The following CALCOCO2 variants were observed in gnomAD, a reference collection of about 807,000 sequenced individuals.
The protein encoded by CALCOCO2 is calcium-binding and coiled-coil domain-containing protein 2.
A neutral mutation model predicts 62.5 loss-of-function variants in CALCOCO2; 42 were observed. The observed-to-expected ratio is 0.67, with a 90% CI of 0.53 to 0.87. The LOEUF is 0.87. Ranked by LOEUF, CALCOCO2 falls within the 40% of genes least tolerant of loss-of-function variation. The probability of loss-of-function intolerance (pLI) is 0.00; values close to 1 mark genes in which losing one functional copy is unlikely to be tolerated. For synonymous variants in CALCOCO2, 167 were observed against 173.0 expected (o/e 0.97, Z 0.27); for missense variants, 456 against 515.0 (o/e 0.89, Z 1.11).
rs139861365 is a variant in CALCOCO2 at position 48,844,135 on chromosome 17, G to A, written c.180+2248G>A. 6.3e-3 allele frequency: 961 copies of A among 152,168 alleles called. 14 individuals are homozygous for A. Among genetic ancestry groups the A allele is most frequent in the South Asian group, 9.1e-3 (44 of 4,816 alleles). The allele number at this position is 152,168 out of a possible 1,614,324, so 9.4% of individuals were successfully genotyped here. On this transcript the variant is annotated intron_variant, in intron 2 of 12. Coordinates refer to ENST00000258947, the MANE Select transcript of CALCOCO2 (RefSeq NM_005831.5). Reference sequence around the variant, plus strand: ...CCACCTCAGGTAATCCGCCTGCCTCGGCCTCCCAAAGTGCTGGGATTACAG... The same window carrying A: ...CCACCTCAGGTAATCCGCCTGCCTCAGCCTCCCAAAGTGCTGGGATTACAG...
intron 1 of CALCOCO2, among the ~76,000 whole-genome samples, chr17:48,839,061 G>A (rs1404266080): frequency 6.7e-6 from 1 of 148,484 alleles, no homozygotes; most frequent in Non-Finnish European, 1.5e-5. Flanking sequence ...GTGCAGTGGC[G>A]CAATCTGGCA....
chr17:48,842,479 A>C (rs571212852), intron 2 of CALCOCO2: 1 of 151,584 alleles, frequency 6.6e-6, no homozygotes, highest in African/African-American at 2.4e-5. Flanking sequence ...AAAACCAAAT[A>C]TAAATACTTG....
chr17:48,841,018 A>G (rs1481192978), intron 1 of CALCOCO2, among the ~76,000 whole-genome samples: 1 of 152,230 alleles, frequency 6.6e-6, no homozygotes, highest in Non-Finnish European at 1.5e-5. Context: ...TATGCCTCAC[A>G]AAAAACTAAA....
Position 48,856,094 on chromosome 17 carries a change from T to A in CALCOCO2, c.915T>A (p.Asp305Glu), listed in dbSNP as rs2040211391. The change falls in exon 10 of 13, where the codon GAT (aspartate) becomes GAA (glutamate). Residue 305 changes from aspartate (D) to glutamate (E), a missense_variant and splice_region_variant. Around this residue, in one of 3 missense-constraint regions of CALCOCO2, gnomAD observed 172 missense variants for 210.3 expected, o/e 0.82. Transcript: ENST00000258947. ...TAMKKQQELM[D>E]ENFDLSKRLS... The stretch of plus-strand genomic sequence containing the variant: ...CTAATTTTTTTTATTGTTGACAGGA[T>A]GAAAACTTTGACCTGTCAAAAAGAC... 6.5e-7 allele frequency: 1 copy of A among 1,548,960 alleles called. No individual in the cohort carries two copies. The highest frequency in any genetic ancestry group is 1.7e-5 in the Admixed American group (1 of 58,404).
chr17:48,857,094 G>A (rs1161844514), intron 10 of CALCOCO2, among the ~76,000 whole-genome samples: 26 of 148,890 alleles, frequency 1.7e-4, no homozygotes, highest in Non-Finnish European at 7.5e-5. Flanking sequence ...GACCCACCAC[G>A]CCCGGCCCAT....
Position 48,851,111 on chromosome 17 carries a change from G to A in CALCOCO2, c.566G>A (p.Ser189Asn), listed in dbSNP as rs145988864. 137 of 1,607,044 alleles carry A rather than the reference G, an allele frequency of 8.5e-5. No homozygotes were observed. The highest frequency in any genetic ancestry group is 1.0e-4 in the Admixed American group (6 of 59,970). The change falls in exon 6 of 13, where the codon AGC (serine) becomes AAC (asparagine). Residue 189 changes from serine to asparagine, a missense_variant. This residue lies in a region of CALCOCO2 where 236 missense variants were observed against 225.3 expected (regional missense o/e 1.05). Transcript: ENST00000258947. Reference protein sequence around the residue: ...KKQEELETLQSINKKLELKVK... With the variant: ...KKQEELETLQNINKKLELKVK... ...TAGGAGGAGCTAGAAACCCTACAGA[G>A]CATCAATAAGAAGTTGGAACTGAAA...
chr17:48,859,375 G>T (rs2040293024), intron 10 of CALCOCO2, among the ~76,000 whole-genome samples: 1 of 152,124 alleles, frequency 6.6e-6, no homozygotes, highest in Non-Finnish European at 1.5e-5. Flanking sequence ...AAGGCAGGAA[G>T]GTCACTTGAA....
intron 2 of CALCOCO2, chr17:48,842,393 G>A (rs1001250943): frequency 1.3e-5 from 2 of 152,362 alleles, no homozygotes; most frequent in African/African-American, 4.8e-5. Flanking sequence ...GATCTCAGGT[G>A]ATCTGCCTGC....
At chr17:48,840,882 G>A (rs1230609364) in intron 1 of CALCOCO2, among the ~76,000 whole-genome samples, 1 of 152,048 alleles carries the variant, frequency 6.6e-6, no homozygotes, top group Non-Finnish European at 1.5e-5. Context: ...TATAACTAAC[G>A]TCTCTTAAAC....
chr17:48,859,464 C>CT (rs2040294612), intron 10 of CALCOCO2, among the ~76,000 whole-genome samples: 1 of 151,728 alleles, frequency 6.6e-6, no homozygotes, highest in African/African-American at 2.4e-5. Flanking sequence ...CAGCCAGGCA[C>CT]GGTGTCGTGT....
At chr17:48,857,252 C>T (rs1217397934) in intron 10 of CALCOCO2, among the ~76,000 whole-genome samples, 1 of 146,966 alleles carries the variant, frequency 6.8e-6, no homozygotes, top group Non-Finnish European at 1.5e-5. Context: ...GGCTGGAGTG[C>T]GATGGCACGA....
chr17:48,851,258 G>A, intron 6 of CALCOCO2, 81 bp downstream of exon 6: 2 of 812,566 alleles, frequency 2.5e-6, no homozygotes, highest in Non-Finnish European at 2.1e-6. Flanking sequence ...TAGATTTCTG[G>A]AATTTGTGAG....
In CALCOCO2 at chr17:48,852,953, A is replaced by T; in HGVS notation, c.853A>T (p.Thr285Ser). ...QRKDQKKLEQTVEQMKQNETT... is the reference protein window; with the variant it reads ...QRKDQKKLEQSVEQMKQNETT... ...GAAGGACCAGAAGAAGCTCGAGCAG[A>T]CAGTGGAGCAAATGAAGCAGAATGA... Residue 285 changes from threonine to serine, a missense_variant, in exon 9 of 13, where the codon ACA becomes TCA. By Grantham distance (58) the Thr-to-Ser change is moderately conservative. This residue lies in a region of CALCOCO2 where 172 missense variants were observed against 210.3 expected (regional missense o/e 0.82). Coordinates refer to ENST00000258947, the MANE Select transcript of CALCOCO2 (RefSeq NM_005831.5). 4 of 1,613,838 alleles carry T rather than the reference A, an allele frequency of 2.5e-6. No homozygotes were observed. Among genetic ancestry groups the T allele is most frequent in the Non-Finnish European group, 3.4e-6 (4 of 1,179,708 alleles).
rs1225885860 is a variant in CALCOCO2, at chr17:48,848,182, G to T, written c.283+16G>T. 6.4e-7 allele frequency: 1 copy of T among 1,570,790 alleles called. No individual in the cohort carries two copies. The highest frequency in any genetic ancestry group is 8.8e-7 in the Non-Finnish European group (1 of 1,140,864). On this transcript the variant is annotated intron_variant, in intron 3 of 12. Coordinates refer to ENST00000258947, the MANE Select transcript of CALCOCO2 (RefSeq NM_005831.5). Reference sequence around the variant, plus strand: ...CAATTCAAAGGTGAGAAAAATACTGGATCAAAGGTGTTGAAGACAGTAGCC... The same window carrying T: ...CAATTCAAAGGTGAGAAAAATACTGTATCAAAGGTGTTGAAGACAGTAGCC...
intron 10 of CALCOCO2, among the ~76,000 whole-genome samples, chr17:48,859,961 G>A (rs1330584506): frequency 6.6e-6 from 1 of 152,100 alleles, no homozygotes; most frequent in African/African-American, 2.4e-5. Context: ...AGGCGTGGTA[G>A]TGGGTGCCTG....
chr17:48,848,602 G>A, intron 4 of CALCOCO2, 147 bp downstream of exon 4: 1 of 739,326 alleles, frequency 1.4e-6, no homozygotes, highest in South Asian at 1.7e-5. Flanking sequence ...GACTCACTCA[G>A]GAATGACTTC....
chr17:48,848,256 G>C, intron 3 of CALCOCO2, 66 bp from the exon 4 acceptor site: 1 of 1,569,964 alleles, frequency 6.4e-7, no homozygotes. Flanking sequence ...CAGATAAAAA[G>C]ATTTCCAGAA....
Position 48,852,928 on chromosome 17 carries a change from G to A in CALCOCO2, c.828G>A (p.Arg276=), listed in dbSNP as rs2040154997. 1.2e-6 allele frequency: 2 copies of A among 1,611,468 alleles called. No homozygotes were observed. The highest frequency in any genetic ancestry group is 4.5e-5 in the East Asian group (2 of 44,866). ...TACTGAAATCTCTTTTTGTGCAGAG[G>A]AAGGACCAGAAGAAGCTCGAGCAGA... ...DHLFLSLTEQ[R]KDQKKLEQTV... The change falls in exon 9 of 13, where the codon AGG becomes AGA. Residue 276 remains arginine, a splice_region_variant and synonymous_variant. Coordinates refer to ENST00000258947, the MANE Select transcript of CALCOCO2 (RefSeq NM_005831.5).
intron 2 of CALCOCO2, among the ~76,000 whole-genome samples, chr17:48,847,031 T>C (rs1389314424): frequency 6.6e-6 from 1 of 152,194 alleles, no homozygotes; most frequent in Non-Finnish European, 1.5e-5. Context: ...TGCATCCTTA[T>C]GTCTTATGAT....
Sources: gnomAD v4.1 joint callset for allele counts (sites outside exome capture counted in the v4.1 genomes callset) on GRCh38, gnomAD v4.1.1 for gene constraint, gnomAD v4.1.1 regional missense constraint, MANE v1.5 for transcripts, NCBI Gene and HGNC (gene_info 2026-07-23, HGNC 2026-07-21) for gene names.